PBX3: variants seen among roughly 807,000 people sequenced by gnomAD.
The protein encoded by PBX3 is pre-B-cell leukemia transcription factor 3.
PBX3 carries 14 observed loss-of-function variants against 48.5 expected under a neutral mutation model. The ratio of observed to expected loss-of-function variants is 0.29; its 90% CI spans 0.19 to 0.45. The LOEUF (loss-of-function observed/expected upper bound fraction) is 0.45, where lower values mean the gene tolerates loss of function less well. PBX3 is among the 20% of genes least tolerant of loss of function. The pLI is 1.00. For missense variants in PBX3, 386 were observed against 546.7 expected, an observed-to-expected ratio of 0.71 and a Z score of 2.93; for synonymous variants, 210 against 200.3, an observed-to-expected ratio of 1.05 and a Z score of -0.41.
At chr9:125,804,062 C>A (rs1038793414) in intron 2 of PBX3, among the ~76,000 whole-genome samples, 14 of 152,162 alleles carry the variant, frequency 9.2e-5, no homozygotes, top group Non-Finnish European at 1.8e-4. Flanking sequence ...TCATCTCTTG[C>A]TACATTTGCT....
At chr9:125,902,755 A>G (rs568449020) in intron 2 of PBX3, among the ~76,000 whole-genome samples, 63 of 151,830 alleles carry the variant, frequency 4.1e-4, no homozygotes, top group Middle Eastern at 3.4e-3. Context: ...TGGTGAATGT[A>G]TATTAGTTAA....
intron 2 of PBX3, among the ~76,000 whole-genome samples, chr9:125,765,776 G>A (rs983331537): frequency 6.6e-5 from 10 of 152,112 alleles, no homozygotes; most frequent in Non-Finnish European, 1.5e-4. Flanking sequence ...CTCATGCGGG[G>A]TGTGCAGTCA....
intron 2 of PBX3, among the ~76,000 whole-genome samples, chr9:125,855,501 C>G (rs975217323): frequency 6.6e-6 from 1 of 151,972 alleles, no homozygotes; most frequent in Non-Finnish European, 1.5e-5. Flanking sequence ...GACTTACTTT[C>G]TTCAAGGTAA....
chr9:125,859,475 TG>T lies in PBX3; in HGVS notation c.275-56210del, dbSNP rs574750280. On this transcript the variant is annotated intron_variant, in intron 2 of 8. Transcript: ENST00000373489. Reference sequence around the variant, plus strand: ...TTCTTTAACATGGACTTTATGCTTATGTTTGGTGCTTTTTGTTCTCTTGTCT... The same window carrying T: ...TTCTTTAACATGGACTTTATGCTTATTTTGGTGCTTTTTGTTCTCTTGTCT... Among the ~76,000 whole-genome samples the T allele has an allele frequency of 2.0e-5, 3 of 152,336 alleles. No individual in the cohort carries two copies. The East Asian group carries it at 5.8e-4, about 29-fold the overall frequency.
chr9:125,937,329 G>T (rs1337931988), intron 5 of PBX3, among the ~76,000 whole-genome samples: 1 of 151,952 alleles, frequency 6.6e-6, no homozygotes, highest in Non-Finnish European at 1.5e-5. Context: ...TCTAAAATAG[G>T]CTAGGAACCC....
chr9:125,820,056 A>G (rs916233825), intron 2 of PBX3, among the ~76,000 whole-genome samples: 2 of 152,212 alleles, frequency 1.3e-5, no homozygotes, highest in South Asian at 4.1e-4. Context: ...CCTAGTACCT[A>G]TAAATGGGTG....
At chr9:125,800,131 G>A (rs1381683500) in intron 2 of PBX3, among the ~76,000 whole-genome samples, 1 of 152,124 alleles carries the variant, frequency 6.6e-6, no homozygotes, top group Non-Finnish European at 1.5e-5. Flanking sequence ...TTTGGTTTTT[G>A]CTTCAACTAT....
intron 2 of PBX3, among the ~76,000 whole-genome samples, chr9:125,781,069 C>A (rs1293588431): frequency 1.4e-5 from 2 of 144,866 alleles, no homozygotes; most frequent in African/African-American, 5.2e-5. Flanking sequence ...CCTCACGTCC[C>A]AGACGATGGG....
intron 8 of PBX3, among the ~76,000 whole-genome samples, chr9:125,964,756 T>C (rs3829098): frequency 0.63 from 95,867 of 152,048 alleles, 31,760 homozygotes; most frequent in East Asian, 0.77. Flanking sequence ...GAGCTGTATC[T>C]AGGCTGGGCA....
chr9:125,815,397 C>T (rs1838429778), intron 2 of PBX3, among the ~76,000 whole-genome samples: 1 of 151,960 alleles, frequency 6.6e-6, no homozygotes, highest in Non-Finnish European at 1.5e-5. Context: ...ATCATTTTTC[C>T]ATGGTAAGGA....
chr9:125,924,974 T>C (rs1227892534), intron 3 of PBX3, among the ~76,000 whole-genome samples: 1 of 152,224 alleles, frequency 6.6e-6, no homozygotes, highest in Non-Finnish European at 1.5e-5. Context: ...AGAAAGTGAC[T>C]TCTGCTCATT....
At chr9:125,790,647 C>T (rs954188786) in intron 2 of PBX3, among the ~76,000 whole-genome samples, 1 of 152,146 alleles carries the variant, frequency 6.6e-6, no homozygotes, top group Non-Finnish European at 1.5e-5. Flanking sequence ...TAGGTTATTG[C>T]AGCCTCAAAT....
At chr9:125,758,126 C>G (rs548646142) in intron 2 of PBX3, among the ~76,000 whole-genome samples, 1 of 152,186 alleles carries the variant, frequency 6.6e-6, no homozygotes, top group South Asian at 2.1e-4. Flanking sequence ...ATACTGAATG[C>G]CTGAAAATGA....
rs190336227 is a variant in PBX3, at chr9:125,843,061, G to T, written c.275-72625G>T. 2.0e-3 allele frequency among the ~76,000 whole-genome samples: 282 copies of T among 141,898 alleles called. 2 individuals carry two copies. The highest frequency in any genetic ancestry group is 4.2e-3 in the Admixed American group (62 of 14,848). The allele number at this position is 141,898 out of a possible 152,430, so 93.1% of individuals were successfully genotyped here. A position where few individuals can be genotyped will look rare whatever the true frequency, so the allele number is the denominator to read the frequency against. On this transcript the variant is annotated intron_variant, in intron 2 of 8. Transcript: ENST00000373489. ...TTACAGGGCTTGATTGACTTACTTG[G>T]TTTCCTGATCCTAAATATTAAGATG...
At chr9:125,949,307 G>T in intron 5 of PBX3, 1 of 1,545,308 alleles carries the variant, frequency 6.5e-7, no homozygotes, top group South Asian at 1.2e-5. Flanking sequence ...TACAGGGCCT[G>T]GCATCTCAGG....
chr9:125,876,127 A>G (rs1171878226), intron 2 of PBX3, among the ~76,000 whole-genome samples: 1 of 152,158 alleles, frequency 6.6e-6, no homozygotes, highest in African/African-American at 2.4e-5. Context: ...GCTCCCCTTT[A>G]ACTAATATGC....
In PBX3 at chr9:125,756,494, G is replaced by C. The variant is rs1421001030; in HGVS notation, c.274+7871G>C. 2.6e-5 allele frequency among the ~76,000 whole-genome samples: 4 copies of C among 152,066 alleles called. 1 individual carries two copies. Among genetic ancestry groups the C allele is most frequent in the African/African-American group, 9.7e-5 (4 of 41,402 alleles). On this transcript the variant is annotated intron_variant, in intron 2 of 8. Transcript: ENST00000373489. ...ATAGAGGATGGAATTGCAAAATCCT[G>C]GCCTAACTGTATTTGCTGGGTATGG...
intron 2 of PBX3, among the ~76,000 whole-genome samples, chr9:125,821,030 A>G (rs567683950): frequency 6.6e-6 from 1 of 152,320 alleles, no homozygotes; most frequent in Non-Finnish European, 1.5e-5. Context: ...TTTGTAACTT[A>G]TAGCCAAAAT....
At chr9:125,883,408 C>G (rs1162329963) in intron 2 of PBX3, among the ~76,000 whole-genome samples, 2 of 152,110 alleles carry the variant, frequency 1.3e-5, no homozygotes, top group African/African-American at 4.8e-5. Flanking sequence ...CTATACGAGG[C>G]TATTTTGTTT....
Sources: allele counts gnomAD v4.1 joint callset (sites outside exome capture counted in the v4.1 genomes callset), GRCh38; gene constraint gnomAD v4.1.1; transcripts MANE v1.5; gene names NCBI Gene and HGNC (gene_info 2026-07-23, HGNC 2026-07-21).